TMEM132D: variants seen among roughly 807,000 people sequenced by gnomAD.
TMEM132D encodes transmembrane protein 132D.
TMEM132D carries 21 observed loss-of-function variants against 62.3 expected under a neutral mutation model. That is an observed-to-expected ratio of 0.34 (90% CI 0.24 to 0.49). The LOEUF is 0.49. Ranked by LOEUF, TMEM132D falls within the 20% of genes least tolerant of loss-of-function variation. The pLI, the probability that TMEM132D is intolerant of heterozygous loss-of-function variation, is 0.99. For missense variants in TMEM132D, 1,346 were observed against 1,402.8 expected (o/e 0.96, Z 0.65); for synonymous variants, 621 against 575.6 (o/e 1.08, Z -1.13).
At chr12:129,348,678 A>C (rs1325215459) in intron 3 of TMEM132D, among the ~76,000 whole-genome samples, 1 of 152,198 alleles carries the variant, frequency 6.6e-6, no homozygotes, top group African/African-American at 2.4e-5. Flanking sequence ...TATGTAACAA[A>C]CCTGCATGTT....
At chr12:129,766,949 C>G (rs1168969029) in intron 1 of TMEM132D, among the ~76,000 whole-genome samples, 1 of 152,154 alleles carries the variant, frequency 6.6e-6, no homozygotes, top group Non-Finnish European at 1.5e-5. Context: ...TACAGATTAG[C>G]TTGCCCTCTA....
intron 3 of TMEM132D, among the ~76,000 whole-genome samples, chr12:129,476,076 T>C (rs1485558110): frequency 1.3e-5 from 2 of 152,214 alleles, no homozygotes; most frequent in Admixed American, 1.3e-4. Context: ...TTCTGTTGAA[T>C]GGGACTGTCC....
intron 2 of TMEM132D, among the ~76,000 whole-genome samples, chr12:129,652,762 C>G (rs1233591286): frequency 6.6e-6 from 1 of 152,224 alleles, no homozygotes; most frequent in South Asian, 2.1e-4. Flanking sequence ...TAAGACAACA[C>G]GTTTGTGCTG....
At position 129,867,999 on chromosome 12, in the gene TMEM132D, C is replaced by T. The variant is rs11060595; in HGVS notation, c.79+35262G>A. On this transcript the variant is annotated intron_variant, in intron 1 of 8. Transcript: ENST00000422113. The surrounding 1 kb of genome is among the most constrained non-coding windows in gnomAD (Gnocchi z 4.5). ...GCATTTGTACGGTACACACATGAGG[C>T]GGCGTTTCTATGGTACATACATGAG... 4.4e-4 allele frequency among the ~76,000 whole-genome samples: 62 copies of T among 141,148 alleles called. No homozygotes were observed. Among genetic ancestry groups the T allele is most frequent in the African/African-American group, 1.2e-3 (50 of 40,350 alleles). 92.6% of individuals were successfully genotyped at this position (141,148 alleles called of 152,430 possible). A position where few individuals can be genotyped will look rare whatever the true frequency, so the allele number is the denominator to read the frequency against.
chr12:129,257,528 T>C (rs1202681252), intron 4 of TMEM132D, among the ~76,000 whole-genome samples: 1 of 152,144 alleles, frequency 6.6e-6, no homozygotes, highest in Non-Finnish European at 1.5e-5. Flanking sequence ...GTTTTGACAA[T>C]GATTTGCCTT....
chr12:129,180,675 T>C (rs1878040583), intron 5 of TMEM132D, among the ~76,000 whole-genome samples: 1 of 152,124 alleles, frequency 6.6e-6, no homozygotes, highest in African/African-American at 2.4e-5. Context: ...AAGGTGACAT[T>C]TGGACCCAAA....
chr12:129,153,963 A>G (rs1010707750), intron 5 of TMEM132D, among the ~76,000 whole-genome samples: 1 of 152,222 alleles, frequency 6.6e-6, no homozygotes. Flanking sequence ...GCTTTTGTCC[A>G]TTCCAGGCAA....
intron 2 of TMEM132D, among the ~76,000 whole-genome samples, chr12:129,592,228 TA>T (rs11330271): frequency 0.68 from 102,453 of 151,738 alleles, 34,835 homozygotes; most frequent in East Asian, 0.84. Context: ...TTTTAGGGAG[TA>T]AAAAAAATAG....
At chr12:129,700,774 C>T in intron 1 of TMEM132D, 76 bp from the exon 2 acceptor site, 7 of 1,491,164 alleles carry the variant, frequency 4.7e-6, no homozygotes, top group East Asian at 2.3e-5. Flanking sequence ...ATCTGCGTGC[C>T]CCCTTCATAA....
chr12:129,550,770 C>T (rs535699249), intron 2 of TMEM132D, among the ~76,000 whole-genome samples: 28 of 152,282 alleles, frequency 1.8e-4, no homozygotes, highest in African/African-American at 6.7e-4. Flanking sequence ...CTACTTCAGT[C>T]CACTTGGTGT....
chr12:129,587,699 G>A (rs565447709), intron 2 of TMEM132D, among the ~76,000 whole-genome samples: 13 of 152,000 alleles, frequency 8.6e-5, no homozygotes, highest in Admixed American at 6.6e-4. Flanking sequence ...AGGCCTTCTC[G>A]GCTCTCACCA....
At chr12:129,807,720 G>C (rs1872038371) in intron 1 of TMEM132D, among the ~76,000 whole-genome samples, 1 of 152,178 alleles carries the variant, frequency 6.6e-6, no homozygotes, top group Non-Finnish European at 1.5e-5. Context: ...GAGCAATTCT[G>C]ATTAGGTTCG....
chr12:129,551,672 T>C (rs1876902950), intron 2 of TMEM132D, among the ~76,000 whole-genome samples: 1 of 152,184 alleles, frequency 6.6e-6, no homozygotes, highest in African/African-American at 2.4e-5. Flanking sequence ...CCACGATTCA[T>C]GGAGCACCTC....
chr12:129,076,367 T>C (rs926757145), intron 8 of TMEM132D, among the ~76,000 whole-genome samples: 9 of 152,160 alleles, frequency 5.9e-5, no homozygotes, highest in African/African-American at 2.2e-4. Context: ...ATAATCCTCA[T>C]AACACATCCT....
intron 1 of TMEM132D, among the ~76,000 whole-genome samples, chr12:129,869,676 T>A (rs1444485900): frequency 6.6e-6 from 1 of 152,106 alleles, no homozygotes; most frequent in Non-Finnish European, 1.5e-5. Context: ...TCCTAAGGAG[T>A]CATAAAAATC....
intron 3 of TMEM132D, among the ~76,000 whole-genome samples, chr12:129,502,157 G>T (rs923463465): frequency 8.6e-5 from 13 of 152,008 alleles, no homozygotes; most frequent in Admixed American, 6.6e-4. Flanking sequence ...CCGTCACCAC[G>T]CCCGGCTAAT....
intron 3 of TMEM132D, among the ~76,000 whole-genome samples, chr12:129,458,603 G>A (rs946210935): frequency 2.0e-5 from 3 of 152,136 alleles, no homozygotes; most frequent in South Asian, 4.1e-4. Flanking sequence ...TGTAAAAACC[G>A]CTAATGAAAC....
intron 5 of TMEM132D, among the ~76,000 whole-genome samples, chr12:129,170,947 C>T (rs1005337359): frequency 3.3e-5 from 5 of 152,034 alleles, no homozygotes; most frequent in Admixed American, 1.3e-4. Context: ...AAGTTTGGGG[C>T]GGCTGTGGCA....
At chr12:129,752,977 A>G (rs575191423) in intron 1 of TMEM132D, among the ~76,000 whole-genome samples, 22 of 152,354 alleles carry the variant, frequency 1.4e-4, no homozygotes, top group East Asian at 3.9e-4. Flanking sequence ...AAGGGAGTGG[A>G]TGTTGGACAG....
Sources: gnomAD v4.1 joint callset for allele counts (sites outside exome capture counted in the v4.1 genomes callset) on GRCh38, gnomAD v4.1.1 for gene constraint, Gnocchi (gnomAD v3.1) non-coding constraint, MANE v1.5 for transcripts, NCBI Gene and HGNC (gene_info 2026-07-23, HGNC 2026-07-21) for gene names.